The following RAP2C variants were observed in gnomAD, a reference collection of about 807,000 sequenced individuals.
RAP2C encodes ras-related protein Rap-2c.
RAP2C carries 3 observed loss-of-function variants against 8.9 expected under a neutral mutation model. The ratio of observed to expected loss-of-function variants is 0.34; its 90% confidence interval spans 0.15 to 0.87. The LOEUF is 0.87. Ranked by LOEUF, RAP2C falls within the 40% of genes least tolerant of loss-of-function variation. RAP2C has a pLI of 0.51. For synonymous variants in RAP2C, 60 were observed against 52.1 expected (o/e 1.15, Z -0.65); for missense variants, 76 against 133.7 (o/e 0.57, Z 2.13).
chrX:132,204,725 G>A lies in RAP2C; in HGVS notation c.*897C>T, dbSNP rs1930220494. 1 of 110,763 alleles carries A rather than the reference G, an allele frequency of 9.0e-6. No individual in the cohort carries two copies. The highest frequency in any genetic ancestry group is 1.9e-5 in the Non-Finnish European group (1 of 52,801). 9.1% of individuals were successfully genotyped at this position (110,763 alleles called of 1,213,427 possible). On this transcript the variant is annotated 3_prime_UTR_variant, in exon 6 of 6. Transcript: ENST00000370874. ...TAGATGTCAATTACAAGCCTGATAG[G>A]CAAAGATGAGCTATCTCTGTTTAGG... is the stretch of plus-strand genomic sequence containing the variant.
intron 5 of RAP2C, among the ~76,000 whole-genome samples, chrX:132,212,420 T>C (rs1930455941): frequency 8.9e-6 from 1 of 111,758 alleles, no homozygotes; most frequent in Admixed American, 9.5e-5. Flanking sequence ...AAGAAGAGGT[T>C]CAAAAATAGC....
At chrX:132,215,321 A>AT (rs1237249176) in intron 4 of RAP2C, among the ~76,000 whole-genome samples, 1 of 111,690 alleles carries the variant, frequency 9.0e-6, no homozygotes, top group Non-Finnish European at 1.9e-5. Flanking sequence ...ATATTTCATA[A>AT]TTTTAAAAGT....
intron 5 of RAP2C, among the ~76,000 whole-genome samples, chrX:132,211,480 A>G (rs1410560907): frequency 1.8e-5 from 2 of 111,490 alleles, no homozygotes; most frequent in African/African-American, 6.5e-5. Context: ...AAAGCACTTG[A>G]TCATACGCTC....
chrX:132,208,978 T>C (rs1282156237), intron 5 of RAP2C, among the ~76,000 whole-genome samples: 7 of 112,210 alleles, frequency 6.2e-5, no homozygotes, highest in Non-Finnish European at 1.1e-4. Context: ...CAGGCTGGAA[T>C]TCCTCTGATA....
chrX:132,213,552 C>T (rs763466101), intron 5 of RAP2C, among the ~76,000 whole-genome samples: 67 of 110,872 alleles, frequency 6.0e-4, no homozygotes, highest in South Asian at 1.1e-3. Flanking sequence ...TCTTTTGGAC[C>T]GTATATTTAT....
intron 5 of RAP2C, among the ~76,000 whole-genome samples, chrX:132,206,505 TAG>T: frequency 8.9e-6 from 1 of 112,390 alleles, no homozygotes; most frequent in African/African-American, 3.2e-5. Context: ...TCTAGGGGAA[TAG>T]AGTTATGTTT....
intron 5 of RAP2C, among the ~76,000 whole-genome samples, chrX:132,213,815 C>G (rs978764246): frequency 8.9e-6 from 1 of 111,802 alleles, no homozygotes; most frequent in African/African-American, 3.3e-5. Flanking sequence ...GATGCTAAAT[C>G]AGAAGAACAG....
At chrX:132,211,828 T>C (rs1930437678) in intron 5 of RAP2C, among the ~76,000 whole-genome samples, 1 of 111,863 alleles carries the variant, frequency 8.9e-6, no homozygotes, top group South Asian at 3.7e-4. Context: ...GCGACAAACA[T>C]TTCTCAAATC....
At position 132,209,408 on chromosome X, in the gene RAP2C, C is replaced by A. The variant is rs1310101010; in HGVS notation, c.*35-3821G>T. On this transcript the variant is annotated intron_variant, in intron 5 of 5. Coordinates refer to ENST00000370874, the MANE Select transcript of RAP2C (RefSeq NM_001271186.2). ...TTGAATTAGACCAGATAAGTTAGTA[C>A]TCCCCTCAACTCTAAATTGCTTTTT... Among the ~76,000 whole-genome samples the A allele has an allele frequency of 3.6e-5, 4 of 112,281 alleles. No individual in the cohort carries two copies. In the Admixed American group the frequency reaches 3.8e-4, roughly 11 times the overall value.
chrX:132,203,198 A>T lies in RAP2C; in HGVS notation c.*2424T>A, dbSNP rs1004294939. 8.9e-6 allele frequency: 1 copy of T among 112,204 alleles called. No individual in the cohort carries two copies. Among genetic ancestry groups the T allele is most frequent in the African/African-American group, 3.2e-5 (1 of 30,823 alleles). 9.2% of individuals were successfully genotyped at this position (112,204 alleles called of 1,213,427 possible). On this transcript the variant is annotated 3_prime_UTR_variant, in exon 6 of 6. Coordinates refer to ENST00000370874, the MANE Select transcript of RAP2C (RefSeq NM_001271186.2). ...TTGAGATTTTACCTTTCACTGATAA[A>T]GTTACAGTACATTAGATCCATGATA...
intron 5 of RAP2C, among the ~76,000 whole-genome samples, chrX:132,207,252 G>A (rs1029021445): frequency 9.0e-6 from 1 of 110,623 alleles, no homozygotes; most frequent in African/African-American, 3.3e-5. Context: ...AAAGAGGTTG[G>A]GATTTTCAAA....
At chrX:132,212,015 T>C (rs377519307) in intron 5 of RAP2C, among the ~76,000 whole-genome samples, 1 of 108,663 alleles carries the variant, frequency 9.2e-6, no homozygotes, top group East Asian at 2.9e-4. Flanking sequence ...TTCCCATATA[T>C]GGGAATCAGT....
In RAP2C at chrX:132,214,349, C is replaced by T; in HGVS notation, c.371G>A (p.Arg124Lys). The change falls in exon 5 of 6, where the codon AGA becomes AAA. Residue 124 changes from arginine to lysine, a missense_variant. Arg to Lys is a conservative substitution (Grantham distance 26). Coordinates refer to ENST00000370874, the MANE Select transcript of RAP2C (RefSeq NM_001271186.2). ...TCTGCCTTCTGAAGACATAACCTCTCTTTCTGGTTCCAGATCCACTTTATT... is the reference window on the plus strand; with the variant it reads ...TCTGCCTTCTGAAGACATAACCTCTTTTTCTGGTTCCAGATCCACTTTATT... The part of the protein sequence containing the change: ...VGNKVDLEPE[R>K]EVMSSEGRAL... 1 of 1,212,057 alleles carries T rather than the reference C, an allele frequency of 8.3e-7. No individual in the cohort carries two copies. Among genetic ancestry groups the T allele is most frequent in the Non-Finnish European group, 1.1e-6 (1 of 895,529 alleles).
rs1930205378 is a variant in RAP2C, at chrX:132,204,226, A to C, written c.*1396T>G. 8.9e-6 allele frequency: 1 copy of C among 112,537 alleles called. No homozygotes were observed. The highest frequency in any genetic ancestry group is 3.7e-4 in the South Asian group (1 of 2,736). The allele number at this position is 112,537 out of a possible 1,213,427, so 9.3% of individuals were successfully genotyped here. ...GCAGTTACTAACTTCTGCAAATGAA[A>C]AGCACACAACTAAAATCAAATAAAA... On this transcript the variant is annotated 3_prime_UTR_variant, in exon 6 of 6. Coordinates refer to ENST00000370874, the MANE Select transcript of RAP2C (RefSeq NM_001271186.2).
At chrX:132,214,107 A>T (rs777894369) in intron 5 of RAP2C, 27 bp downstream of exon 5, 4 of 1,128,446 alleles carry the variant, frequency 3.5e-6, no homozygotes, top group Non-Finnish European at 4.8e-6. Flanking sequence ...ACACTACCTG[A>T]TTCATACAGT....
At position 132,214,399 on chromosome X, in the gene RAP2C, T is replaced by C; in HGVS notation, c.321A>G (p.Glu107=). 1 of 1,211,117 alleles carries C rather than the reference T, an allele frequency of 8.3e-7. No homozygotes were observed. The highest frequency in any genetic ancestry group is 1.1e-6 in the Non-Finnish European group (1 of 894,897). ...TTCCTACTAGGATTAGTGGGACTTT[T>C]TCATATCTCTTCACTCTGACAATTT... ...RDQIVRVKRY[E]KVPLILVGNK... is the part of the protein sequence containing the mutation. Residue 107 remains glutamate, a synonymous_variant, in exon 5 of 6, where the codon GAA becomes GAG. Coordinates refer to ENST00000370874, the MANE Select transcript of RAP2C (RefSeq NM_001271186.2).
At chrX:132,219,180 G>T (rs1025009536) in intron 1 of RAP2C, among the ~76,000 whole-genome samples, 190 bp downstream of exon 1, 3 of 111,847 alleles carry the variant, frequency 2.7e-5, no homozygotes, top group African/African-American at 9.8e-5. Flanking sequence ...CATGTACCCA[G>T]AAACCTGCGA....
chrX:132,208,099 C>T (rs1269136858), intron 5 of RAP2C, among the ~76,000 whole-genome samples: 6 of 110,536 alleles, frequency 5.4e-5, no homozygotes, highest in Non-Finnish European at 1.1e-4. Context: ...AATTGGTATA[C>T]GAGAGTACCA....
intron 4 of RAP2C, among the ~76,000 whole-genome samples, chrX:132,216,241 G>A (rs1455188032): frequency 8.9e-6 from 1 of 111,822 alleles, no homozygotes; most frequent in Admixed American, 9.4e-5. Context: ...TGGCCACCCA[G>A]CCGGAGTAAG....
Sources: allele counts gnomAD v4.1 joint callset (sites outside exome capture counted in the v4.1 genomes callset), GRCh38; gene constraint gnomAD v4.1.1; transcripts MANE v1.5; gene names NCBI Gene and HGNC (gene_info 2026-07-23, HGNC 2026-07-21).